The following CDH4 variants were observed in gnomAD, a reference collection of about 807,000 sequenced individuals.
The protein encoded by CDH4 is cadherin-4.
CDH4 carries 33 observed loss-of-function variants against 86.0 expected under a neutral mutation model. That is an observed-to-expected ratio of 0.38 (90% CI 0.29 to 0.51). The LOEUF is 0.51. Ranked by LOEUF, CDH4 falls within the 20% of genes least tolerant of loss-of-function variation. CDH4 has a pLI of 0.86. For missense variants in CDH4, 1,114 were observed against 1,307.4 expected, an observed-to-expected ratio of 0.85 and a Z score of 2.28; for synonymous variants, 555 against 549.4, an observed-to-expected ratio of 1.01 and a Z score of -0.14.
intron 2 of CDH4, among the ~76,000 whole-genome samples, chr20:61,726,411 G>T (rs539642959): frequency 6.6e-6 from 1 of 152,262 alleles, no homozygotes; most frequent in South Asian, 2.1e-4. Context: ...TCGGAAATCA[G>T]GGTGTGCTGG....
intron 2 of CDH4, among the ~76,000 whole-genome samples, chr20:61,265,540 C>T (rs868556282): frequency 1.3e-5 from 2 of 151,984 alleles, no homozygotes; most frequent in Non-Finnish European, 2.9e-5. Context: ...CAATCTTACA[C>T]GGACCTCAGT....
At chr20:61,390,750 C>T (rs1267212331) in intron 2 of CDH4, among the ~76,000 whole-genome samples, 2 of 150,114 alleles carry the variant, frequency 1.3e-5, no homozygotes, top group African/African-American at 4.9e-5. Flanking sequence ...TCATAGGGTG[C>T]CCATAGTGCC....
chr20:61,735,219 A>C (rs1319658203), intron 2 of CDH4, among the ~76,000 whole-genome samples: 1 of 152,194 alleles, frequency 6.6e-6, no homozygotes, highest in African/African-American at 2.4e-5. Flanking sequence ...CACAGAGCTC[A>C]GGAGGACTCC....
intron 2 of CDH4, among the ~76,000 whole-genome samples, chr20:61,717,260 G>A (rs2087967155): frequency 6.6e-6 from 1 of 152,190 alleles, no homozygotes; most frequent in African/African-American, 2.4e-5. Context: ...CAGCCACAGG[G>A]CCATGAGCAC....
At chr20:61,564,126 A>G (rs2086243985) in intron 2 of CDH4, among the ~76,000 whole-genome samples, 1 of 152,022 alleles carries the variant, frequency 6.6e-6, no homozygotes, top group Non-Finnish European at 1.5e-5. Context: ...TAAGGACATC[A>G]GTGGTTGGGT....
chr20:61,433,935 A>G (rs1489201853), intron 2 of CDH4, among the ~76,000 whole-genome samples: 1 of 152,222 alleles, frequency 6.6e-6, no homozygotes, highest in Non-Finnish European at 1.5e-5. Flanking sequence ...GTCTAAAGCC[A>G]GCTTACATAG....
chr20:61,387,327 AACAC>A (rs973284802), intron 2 of CDH4, among the ~76,000 whole-genome samples: 10 of 145,962 alleles, frequency 6.9e-5, no homozygotes, highest in South Asian at 4.5e-4. Flanking sequence ...CAGCCACACA[AACAC>A]ACACAGAGGC....
intron 2 of CDH4, among the ~76,000 whole-genome samples, chr20:61,402,207 A>G (rs1475743273): frequency 6.6e-6 from 1 of 152,220 alleles, no homozygotes; most frequent in African/African-American, 2.4e-5. Context: ...AGGATGCTCA[A>G]GTCCTTGATG....
intron 2 of CDH4, among the ~76,000 whole-genome samples, chr20:61,378,337 T>C (rs2084883130): frequency 6.6e-6 from 1 of 152,232 alleles, no homozygotes; most frequent in African/African-American, 2.4e-5. Flanking sequence ...CTGGGGCTGC[T>C]GTGGTCACCA....
intron 2 of CDH4, among the ~76,000 whole-genome samples, chr20:61,416,095 G>A (rs1600956858): frequency 2.0e-5 from 3 of 151,172 alleles, no homozygotes; most frequent in Admixed American, 2.0e-4. Flanking sequence ...TCTGCCCCCT[G>A]GGTTTAAGCA....
At chr20:61,594,582 T>A (rs2086542208) in intron 2 of CDH4, among the ~76,000 whole-genome samples, 1 of 152,190 alleles carries the variant, frequency 6.6e-6, no homozygotes, top group Admixed American at 6.5e-5. Flanking sequence ...TCGAGGGTCC[T>A]TCCAACCCTA....
rs2087280492 is a variant in CDH4, at chr20:61,663,186, C to T, written c.170-80377C>T. 1.3e-5 allele frequency among the ~76,000 whole-genome samples: 2 copies of T among 152,238 alleles called. No homozygotes were observed. Among genetic ancestry groups the T allele is most frequent in the Non-Finnish European group, 2.9e-5 (2 of 68,044 alleles). ...CCTGCAGCTCCATGAGTGTCCACGC[C>T]TCCGTGTGTGGACTGATGAGGTAAA... On this transcript the variant is annotated intron_variant, in intron 2 of 15. Coordinates refer to ENST00000614565, the MANE Select transcript of CDH4 (RefSeq NM_001794.5). This position sits in a 1 kb window ranked among gnomAD's most constrained non-coding sequence, Gnocchi z 5.0.
At chr20:61,354,496 CTGCTGTTGCCGT>C (rs2084734907) in intron 2 of CDH4, among the ~76,000 whole-genome samples, 1 of 152,216 alleles carries the variant, frequency 6.6e-6, no homozygotes, top group South Asian at 2.1e-4. Context: ...GCTGTTGCTG[CTGCTGTTGCCGT>C]TGCTGTTGAA....
At chr20:61,423,054 G>A (rs1190171893) in intron 2 of CDH4, among the ~76,000 whole-genome samples, 3 of 152,212 alleles carry the variant, frequency 2.0e-5, no homozygotes, top group Admixed American at 6.5e-5. Flanking sequence ...TGGCTGAGTG[G>A]ACGTGGTAGA....
At chr20:61,429,783 A>G (rs1056809539) in intron 2 of CDH4, among the ~76,000 whole-genome samples, 6 of 149,806 alleles carry the variant, frequency 4.0e-5, no homozygotes, top group South Asian at 2.1e-4. Context: ...GGATGGATGG[A>G]TGGGTGGGTG....
intron 2 of CDH4, among the ~76,000 whole-genome samples, chr20:61,528,797 G>A (rs944914299): frequency 6.6e-6 from 1 of 151,984 alleles, no homozygotes; most frequent in African/African-American, 2.4e-5. Flanking sequence ...TGCGGGGCCT[G>A]GCTGCTCTCC....
chr20:61,799,747 CCTGGGTGGGCAGGG>C (rs1979732352), intron 4 of CDH4, among the ~76,000 whole-genome samples: 1 of 152,210 alleles, frequency 6.6e-6, no homozygotes, highest in Non-Finnish European at 1.5e-5. Flanking sequence ...TATCCCCGCT[CCTGGGTGGGCAGGG>C]CGTGGGCCCG....
chr20:61,725,842 T>C (rs570463450), intron 2 of CDH4, among the ~76,000 whole-genome samples: 1 of 152,136 alleles, frequency 6.6e-6, no homozygotes, highest in Non-Finnish European at 1.5e-5. Flanking sequence ...CACCTGAGCC[T>C]TAATTGCAAG....
Position 61,663,335 on chromosome 20 carries a change from G to C in CDH4, c.170-80228G>C, listed in dbSNP as rs1354970538. Among the ~76,000 whole-genome samples the C allele has an allele frequency of 6.6e-6, 1 of 152,258 alleles. No homozygotes were observed. Among genetic ancestry groups the C allele is most frequent in the Non-Finnish European group, 1.5e-5 (1 of 68,048 alleles). ...GGCCTGTGCTGCGGAGCTCCTGGGA[G>C]GGTGACGCTGGGGCAGGGGCTGCTG... On this transcript the variant is annotated intron_variant, in intron 2 of 15. Transcript: ENST00000614565. This position sits in a 1 kb window ranked among gnomAD's most constrained non-coding sequence, Gnocchi z 5.0.
Sources: allele counts gnomAD v4.1 joint callset (sites outside exome capture counted in the v4.1 genomes callset), GRCh38; gene constraint gnomAD v4.1.1; non-coding constraint Gnocchi (gnomAD v3.1); transcripts MANE v1.5; gene names NCBI Gene and HGNC (gene_info 2026-07-23, HGNC 2026-07-21).